KCNIP4: variants seen among roughly 807,000 people sequenced by gnomAD.
The protein encoded by KCNIP4 is Kv channel-interacting protein 4.
In KCNIP4, 12 loss-of-function variants were observed where a neutral mutation model predicts 34.0. The ratio of observed to expected loss-of-function variants is 0.35; its 90% CI spans 0.23 to 0.57. The LOEUF is 0.57. KCNIP4 is among the 20% of genes least tolerant of loss of function. KCNIP4 has a pLI of 0.83. For synonymous variants in KCNIP4, 124 were observed against 102.2 expected, an observed-to-expected ratio of 1.21 and a Z score of -1.29; for missense variants, 238 against 311.7, an observed-to-expected ratio of 0.76 and a Z score of 1.78.
intron 3 of KCNIP4, among the ~76,000 whole-genome samples, chr4:20,843,291 C>A (rs930185388): frequency 1.3e-5 from 2 of 152,074 alleles, no homozygotes; most frequent in South Asian, 2.1e-4. Context: ...ATAAAATATA[C>A]CTATGAGAAT....
intron 1 of KCNIP4, among the ~76,000 whole-genome samples, chr4:21,286,369 A>G (rs1356871693): frequency 2.0e-5 from 3 of 152,234 alleles, no homozygotes; most frequent in Admixed American, 1.3e-4. Context: ...CAAACATGTT[A>G]TATAGTAGAC....
At chr4:21,517,174 G>A (rs1734835863) in intron 1 of KCNIP4, among the ~76,000 whole-genome samples, 1 of 152,046 alleles carries the variant, frequency 6.6e-6, no homozygotes, top group Non-Finnish European at 1.5e-5. Flanking sequence ...ATGAAGGCAG[G>A]GCCACAGTGA....
intron 1 of KCNIP4, among the ~76,000 whole-genome samples, chr4:21,291,328 C>T (rs1215368052): frequency 7.4e-6 from 1 of 135,518 alleles, no homozygotes; most frequent in Non-Finnish European, 1.6e-5. Flanking sequence ...AGAGTGTGCA[C>T]CCATGAGTCT....
chr4:21,500,953 A>G (rs904682479), intron 1 of KCNIP4, among the ~76,000 whole-genome samples: 2 of 152,136 alleles, frequency 1.3e-5, no homozygotes, highest in Non-Finnish European at 2.9e-5. Context: ...CTGTGTTCAA[A>G]GCATTGTTAA....
chr4:21,398,113 T>C (rs947295478), intron 1 of KCNIP4, among the ~76,000 whole-genome samples: 23 of 152,184 alleles, frequency 1.5e-4, no homozygotes, highest in African/African-American at 5.3e-4. Context: ...TGTTTGTTTG[T>C]TTTTTGGTCA....
intron 1 of KCNIP4, among the ~76,000 whole-genome samples, chr4:21,270,203 C>T (rs1397560660): frequency 3.9e-5 from 6 of 152,128 alleles, no homozygotes; most frequent in Admixed American, 1.3e-4. Flanking sequence ...GTCATGGACT[C>T]TGTTGGTCAA....
chr4:21,008,554 C>A (rs1485428219), intron 1 of KCNIP4, among the ~76,000 whole-genome samples: 1 of 151,124 alleles, frequency 6.6e-6, no homozygotes, highest in Non-Finnish European at 1.5e-5. Context: ...GACGGAGTCT[C>A]GCTCTGTCGC....
intron 1 of KCNIP4, among the ~76,000 whole-genome samples, chr4:21,257,024 T>C (rs181028744): frequency 7.9e-4 from 120 of 152,296 alleles, no homozygotes; most frequent in Non-Finnish European, 1.3e-3. Flanking sequence ...CCACAATCGC[T>C]AGAACAGTGC....
rs1743170901 is a variant in KCNIP4 at position 21,054,025 on chromosome 4, C to CAAAATGTAGATATTGAT, written c.62-171317_62-171316insATCAATATCTACATTTT. Among the ~76,000 whole-genome samples the CAAAATGTAGATATTGAT allele has an allele frequency of 1.5e-4, 23 of 151,918 alleles. 1 individual carries two copies. The highest frequency in any genetic ancestry group is 4.8e-5 in the African/African-American group (2 of 41,370). ...GACAAAATGATTTTGTAGATATTGA[C>CAAAATGTAGATATTGAT]AAAATGTAGATATTGACAAAATGTA... On this transcript the variant is annotated intron_variant, in intron 1 of 8. Transcript: ENST00000382152.
chr4:21,745,532 A>C (rs1394574189), intron 1 of KCNIP4, among the ~76,000 whole-genome samples: 1 of 152,180 alleles, frequency 6.6e-6, no homozygotes, highest in Non-Finnish European at 1.5e-5. Flanking sequence ...TTACTCTGTA[A>C]ATTTAAAATT....
intron 1 of KCNIP4, among the ~76,000 whole-genome samples, chr4:21,934,138 G>A (rs527778518): frequency 1.3e-4 from 20 of 152,036 alleles, no homozygotes; most frequent in Non-Finnish European, 2.8e-4. Flanking sequence ...TCAAGCAGTG[G>A]AGGGAAGGGA....
At chr4:20,817,429 T>C (rs1207682861) in intron 3 of KCNIP4, among the ~76,000 whole-genome samples, 1 of 152,192 alleles carries the variant, frequency 6.6e-6, no homozygotes, top group Non-Finnish European at 1.5e-5. Flanking sequence ...GCTCCCATCC[T>C]GCTAGGCATG....
chr4:21,276,836 T>C (rs143815679), intron 1 of KCNIP4, among the ~76,000 whole-genome samples: 1 of 152,310 alleles, frequency 6.6e-6, no homozygotes, highest in African/African-American at 2.4e-5. Flanking sequence ...AGAATTTTTG[T>C]TTGTCCGTTT....
intron 1 of KCNIP4, among the ~76,000 whole-genome samples, chr4:20,883,664 C>T (rs990700868): frequency 1.3e-5 from 2 of 152,074 alleles, no homozygotes; most frequent in Non-Finnish European, 2.9e-5. Context: ...ATCTTTATAA[C>T]AGGAATCTGG....
chr4:20,781,915 C>G (rs929344862), intron 3 of KCNIP4, among the ~76,000 whole-genome samples: 3 of 152,132 alleles, frequency 2.0e-5, no homozygotes, highest in Admixed American at 1.3e-4. Context: ...GTCCCTTCTG[C>G]CTATGAGCCT....
chr4:20,988,779 A>G (rs889436650), intron 1 of KCNIP4, among the ~76,000 whole-genome samples: 2 of 152,226 alleles, frequency 1.3e-5, no homozygotes, highest in Non-Finnish European at 2.9e-5. Context: ...GGCAACTGAA[A>G]TAGGAGACTC....
intron 1 of KCNIP4, among the ~76,000 whole-genome samples, chr4:21,307,758 T>C (rs887294895): frequency 2.4e-5 from 3 of 125,692 alleles, no homozygotes; most frequent in Admixed American, 7.8e-5. Context: ...ATTTCCATAC[T>C]TTTTTTTTAG....
intron 1 of KCNIP4, among the ~76,000 whole-genome samples, chr4:21,338,279 A>ATT (rs952673004): frequency 1.3e-5 from 2 of 151,478 alleles, no homozygotes; most frequent in African/African-American, 4.8e-5. Context: ...AAAAAAAAAA[A>ATT]AAAAAAAAGA....
chr4:21,882,502 A>G (rs1189948726), intron 1 of KCNIP4, among the ~76,000 whole-genome samples: 3 of 152,160 alleles, frequency 2.0e-5, no homozygotes, highest in African/African-American at 7.2e-5. Flanking sequence ...AAAAATATGC[A>G]TTTCAAGGAA....
Sources: allele counts gnomAD v4.1 joint callset (sites outside exome capture counted in the v4.1 genomes callset), GRCh38; gene constraint gnomAD v4.1.1; transcripts MANE v1.5; gene names NCBI Gene and HGNC (gene_info 2026-07-23, HGNC 2026-07-21).